Variants in SORCS3 observed in about 807,000 individuals in gnomAD.
SORCS3 encodes VPS10 domain-containing receptor SorCS3.
SORCS3 carries 57 observed loss-of-function variants against 146.3 expected under a neutral mutation model. That is an observed-to-expected ratio of 0.39 (90% CI 0.31 to 0.49). The LOEUF (loss-of-function observed/expected upper bound fraction) is 0.49, where lower values mean the gene tolerates loss of function less well. SORCS3 is among the 20% of genes least tolerant of loss of function. SORCS3 has a pLI of 0.92. For synonymous variants in SORCS3, 653 were observed against 618.5 expected (o/e 1.06, Z -0.83); for missense variants, 1,341 against 1,575.5 (o/e 0.85, Z 2.52).
chr10:105,030,801 C>T (rs532400855), intron 4 of SORCS3, among the ~76,000 whole-genome samples: 1 of 151,888 alleles, frequency 6.6e-6, no homozygotes, highest in Non-Finnish European at 1.5e-5. Context: ...CCATGTTGGT[C>T]AGGCTGGTCT....
chr10:105,089,879 G>A (rs1256967099), intron 6 of SORCS3, 40 bp downstream of exon 6: 27 of 1,539,552 alleles, frequency 1.8e-5, no homozygotes, highest in East Asian at 4.5e-5. Context: ...AGGGAGATCT[G>A]CCTGCAGGTC....
chr10:105,263,616 C>T lies in SORCS3; in HGVS notation c.*242C>T, dbSNP rs922325441. ...CAAAGGATGCATCTTCCCACAGCCT[C>T]CTCGCTTTACTCTGCCATTGGTAGC... On this transcript the variant is annotated 3_prime_UTR_variant, in exon 27 of 27. Transcript: ENST00000369701. 6 of 474,318 alleles carry T rather than the reference C, an allele frequency of 1.3e-5. No homozygotes were observed. Among genetic ancestry groups the T allele is most frequent in the African/African-American group, 2.0e-5 (1 of 50,926 alleles). 29.4% of individuals were successfully genotyped at this position (474,318 alleles called of 1,614,324 possible).
intron 2 of SORCS3, among the ~76,000 whole-genome samples, chr10:104,868,500 A>G (rs1026713695): frequency 3.3e-5 from 5 of 152,230 alleles, no homozygotes; most frequent in African/African-American, 1.2e-4. Flanking sequence ...CATTTCAGAT[A>G]GAGACCGCTT....
intron 13 of SORCS3, 72 bp from the exon 14 acceptor site, chr10:105,177,994 C>A: frequency 2.6e-6 from 3 of 1,165,994 alleles, no homozygotes; most frequent in Non-Finnish European, 3.8e-6. Flanking sequence ...AATTTAATAA[C>A]CTGAAAAACG....
chr10:104,815,396 C>A (rs2017785016), intron 1 of SORCS3, among the ~76,000 whole-genome samples: 1 of 146,230 alleles, frequency 6.8e-6, no homozygotes, highest in Non-Finnish European at 1.5e-5. Flanking sequence ...TGGCAGTGAG[C>A]CGAGATCACA....
intron 1 of SORCS3, among the ~76,000 whole-genome samples, chr10:104,733,443 A>G (rs1054717052): frequency 6.6e-6 from 1 of 151,800 alleles, no homozygotes; most frequent in Admixed American, 6.6e-5. Flanking sequence ...TTGAACTCCT[A>G]GGTTGAAGTG....
intron 9 of SORCS3, among the ~76,000 whole-genome samples, chr10:105,148,020 A>C (rs764061679): frequency 6.6e-6 from 1 of 152,116 alleles, no homozygotes; most frequent in Non-Finnish European, 1.5e-5. Flanking sequence ...GATATACTGC[A>C]TCTAGTGTAG....
chr10:104,993,356 C>G (rs1317506221), intron 4 of SORCS3, among the ~76,000 whole-genome samples: 1 of 152,194 alleles, frequency 6.6e-6, no homozygotes, highest in Non-Finnish European at 1.5e-5. Flanking sequence ...CCCTTGGCTG[C>G]TCTCAGAGCC....
At chr10:104,994,682 A>G (rs1358563773) in intron 4 of SORCS3, among the ~76,000 whole-genome samples, 1 of 152,202 alleles carries the variant, frequency 6.6e-6, no homozygotes, top group African/African-American at 2.4e-5. Flanking sequence ...ATTCTCTAGA[A>G]TTTCATATAA....
chr10:104,677,237 A>C lies in SORCS3; in HGVS notation c.627+35283A>C, dbSNP rs562835228. Among the ~76,000 whole-genome samples, 3 of 152,294 alleles carry C rather than the reference A, an allele frequency of 2.0e-5. No individual in the cohort carries two copies. The South Asian group carries it at 6.2e-4, about 32-fold the overall frequency. ...CAACCCCAATCTGGGCATGTTTGGG[A>C]GAGAGGCTGCTCCCCTGTTGCCTGA... On this transcript the variant is annotated intron_variant, in intron 1 of 26. Coordinates refer to ENST00000369701, the MANE Select transcript of SORCS3 (RefSeq NM_014978.3).
At chr10:104,806,237 G>A (rs927648786) in intron 1 of SORCS3, among the ~76,000 whole-genome samples, 1 of 152,180 alleles carries the variant, frequency 6.6e-6, no homozygotes, top group Admixed American at 6.5e-5. Context: ...CATTCTAGCT[G>A]TCTCCTCTGA....
chr10:104,801,644 T>C (rs1400406919), intron 1 of SORCS3, among the ~76,000 whole-genome samples: 1 of 152,066 alleles, frequency 6.6e-6, no homozygotes, highest in Non-Finnish European at 1.5e-5. Flanking sequence ...AGGTAAGATA[T>C]GGATCTGTTG....
chr10:105,237,125 G>A (rs1292975469), intron 20 of SORCS3, among the ~76,000 whole-genome samples: 1 of 152,122 alleles, frequency 6.6e-6, no homozygotes, highest in African/African-American at 2.4e-5. Flanking sequence ...AGGTCCCAAA[G>A]GTCTTACTAA....
At chr10:105,253,550 T>C (rs1279472477) in intron 23 of SORCS3, among the ~76,000 whole-genome samples, 1 of 152,202 alleles carries the variant, frequency 6.6e-6, no homozygotes, top group Non-Finnish European at 1.5e-5. Context: ...TCATCCTCTA[T>C]TCCTCCTGAG....
At chr10:104,773,907 C>G (rs970782093) in intron 1 of SORCS3, among the ~76,000 whole-genome samples, 1 of 152,200 alleles carries the variant, frequency 6.6e-6, no homozygotes, top group Admixed American at 6.5e-5. Flanking sequence ...GTGTCAGCAT[C>G]ACCTGGGAGC....
chr10:104,975,525 G>A (rs1347031836), intron 3 of SORCS3, among the ~76,000 whole-genome samples: 3 of 152,086 alleles, frequency 2.0e-5, no homozygotes, highest in South Asian at 4.1e-4. Context: ...CCATCAAGCT[G>A]CCAATGACTT....
intron 1 of SORCS3, among the ~76,000 whole-genome samples, chr10:104,667,489 C>G (rs2133254288): frequency 6.6e-6 from 1 of 152,306 alleles, no homozygotes; most frequent in East Asian, 1.9e-4. Flanking sequence ...ACCCAAGGAT[C>G]AGGCTCTAGC....
intron 1 of SORCS3, among the ~76,000 whole-genome samples, chr10:104,662,807 G>C (rs1317122506): frequency 6.6e-6 from 1 of 152,170 alleles, no homozygotes; most frequent in Non-Finnish European, 1.5e-5. Context: ...GATGGGTCCA[G>C]ATCACACAGG....
chr10:104,937,273 A>G (rs1013874858), intron 3 of SORCS3, among the ~76,000 whole-genome samples: 2 of 152,210 alleles, frequency 1.3e-5, no homozygotes, highest in Non-Finnish European at 2.9e-5. Flanking sequence ...ACTGACCAGT[A>G]TAGGGGTTGA....
Sources: gnomAD v4.1 joint callset for allele counts (sites outside exome capture counted in the v4.1 genomes callset) on GRCh38, gnomAD v4.1.1 for gene constraint, MANE v1.5 for transcripts, NCBI Gene and HGNC (gene_info 2026-07-23, HGNC 2026-07-21) for gene names.